The following AGO2 variants were observed in gnomAD, a reference collection of about 807,000 sequenced individuals.
The protein encoded by AGO2 is argonaute RISC catalytic component 2, also known as protein argonaute-2.
Under a neutral mutation model 102.3 loss-of-function variants are expected in AGO2, and 5 were observed. That is an observed-to-expected ratio of 0.05 (90% CI 0.03 to 0.10). AGO2 has a LOEUF of 0.10. AGO2 is among the 10% of genes least tolerant of loss of function. AGO2 has a pLI of 1.00. For synonymous variants in AGO2, 449 were observed against 473.1 expected, an observed-to-expected ratio of 0.95 and a Z score of 0.66; for missense variants, 541 against 1,183.7, an observed-to-expected ratio of 0.46 and a Z score of 7.97.
intron 1 of AGO2, among the ~76,000 whole-genome samples, chr8:140,633,486 AAGC>A (rs2074365996): frequency 6.6e-6 from 1 of 152,176 alleles, no homozygotes; most frequent in Non-Finnish European, 1.5e-5. Flanking sequence ...AATCTCCAAA[AAGC>A]AGCGAGTGAC....
intron 1 of AGO2, among the ~76,000 whole-genome samples, chr8:140,612,688 G>T (rs1281167120): frequency 6.6e-6 from 1 of 151,502 alleles, no homozygotes; most frequent in East Asian, 2.0e-4. Flanking sequence ...GGAGGCGGAG[G>T]TTGCAGTGAG....
chr8:140,627,065 C>T (rs1254060535), intron 1 of AGO2, among the ~76,000 whole-genome samples: 1 of 152,220 alleles, frequency 6.6e-6, no homozygotes, highest in African/African-American at 2.4e-5. Flanking sequence ...GGGACTCAGA[C>T]ACCCACCCCA....
rs2073711183 is a variant in AGO2 at position 140,589,250 on chromosome 8, C to CCGCAGA, written c.23-3945_23-3940dup. Among the ~76,000 whole-genome samples the CCGCAGA allele has an allele frequency of 1.3e-5, 2 of 152,174 alleles. No individual in the cohort carries two copies. The highest frequency in any genetic ancestry group is 6.5e-5 in the Admixed American group (1 of 15,280). On this transcript the variant is annotated intron_variant, in intron 1 of 18. Transcript: ENST00000220592. The surrounding 1 kb of genome is among the most constrained non-coding windows in gnomAD (Gnocchi z 4.2). ...TAAAGTGCAGGCCTGCCAGGATTCCCCGCAGACGTGTACCCTGAGGCGGGG... is the reference window on the plus strand; with the variant it reads ...TAAAGTGCAGGCCTGCCAGGATTCCCCGCAGACGCAGACGTGTACCCTGAGGCGGGG...
At chr8:140,577,827 G>A (rs555158531) in intron 2 of AGO2, among the ~76,000 whole-genome samples, 4 of 152,312 alleles carry the variant, frequency 2.6e-5, no homozygotes, top group South Asian at 2.1e-4. Flanking sequence ...TCACTGTTCC[G>A]AGCCCCATCC....
intron 2 of AGO2, among the ~76,000 whole-genome samples, chr8:140,577,329 C>T (rs772946992): frequency 1.3e-5 from 2 of 151,734 alleles, no homozygotes; most frequent in Non-Finnish European, 2.9e-5. Context: ...AAACAATCTA[C>T]ACTGACAGAA....
intron 4 of AGO2, among the ~76,000 whole-genome samples, chr8:140,562,174 T>C (rs796163315): frequency 6.6e-5 from 10 of 152,304 alleles, no homozygotes; most frequent in African/African-American, 2.4e-4. Context: ...AGAAAAGTGC[T>C]GGGTGCAGAG....
At position 140,618,164 on chromosome 8, in the gene AGO2, TA is replaced by T. The variant is rs551538635; in HGVS notation, c.22+17320del. Among the ~76,000 whole-genome samples, 620 of 151,666 alleles carry T rather than the reference TA, an allele frequency of 4.1e-3. 9 individuals carry two copies. The highest frequency in any genetic ancestry group is 0.014 in the African/African-American group (579 of 41,300). On this transcript the variant is annotated intron_variant, in intron 1 of 18. Transcript: ENST00000220592. ...GGTGAAACCCCGTCTCTACTAAAAATAAAAAATTAGCCTGGCACAGTGGTGG... is the reference window on the plus strand; with the variant it reads ...GGTGAAACCCCGTCTCTACTAAAAATAAAAATTAGCCTGGCACAGTGGTGG...
intron 2 of AGO2, among the ~76,000 whole-genome samples, chr8:140,578,174 C>T (rs1016835969): frequency 6.6e-6 from 1 of 152,206 alleles, no homozygotes; most frequent in African/African-American, 2.4e-5. Context: ...AACTGGACCT[C>T]GTGGCTGTGG....
intron 1 of AGO2, among the ~76,000 whole-genome samples, chr8:140,631,566 G>A (rs1025476006): frequency 2.0e-5 from 3 of 151,870 alleles, no homozygotes; most frequent in East Asian, 3.9e-4. Context: ...AAAAGAAGAC[G>A]TAAATATAAC....
At chr8:140,562,406 G>T (rs1375649817) in intron 4 of AGO2, 47 bp downstream of exon 4, 1 of 1,572,554 alleles carries the variant, frequency 6.4e-7, no homozygotes, top group African/African-American at 1.3e-5. Flanking sequence ...GGGGCCCTCG[G>T]AGCTGCAGGG....
chr8:140,535,457 C>A lies in AGO2; in HGVS notation c.2271+11G>T. ...GCCAAGACTCTGTCCGAAGGGGACT[C>A]CCGGCCTTACCTGGATGCCAGCGTG... On this transcript the variant is annotated intron_variant, in intron 17 of 18. Coordinates refer to ENST00000220592, the MANE Select transcript of AGO2 (RefSeq NM_012154.5). The A allele has an allele frequency of 6.2e-7, 1 of 1,613,968 alleles. No homozygotes were observed. Among genetic ancestry groups the A allele is most frequent in the Non-Finnish European group, 8.5e-7 (1 of 1,179,826 alleles).
chr8:140,638,923 G>A (rs1025319335), upstream of AGO2, among the ~76,000 whole-genome samples: 2 of 151,976 alleles, frequency 1.3e-5, no homozygotes, highest in Non-Finnish European at 2.9e-5. Flanking sequence ...TCACTCTATT[G>A]CCCATGCTGG....
rs1003321399 is a variant in AGO2, at chr8:140,539,152, C to T, written c.2169+168G>A. 1.3e-5 allele frequency among the ~76,000 whole-genome samples: 2 copies of T among 152,182 alleles called. No homozygotes were observed. The highest frequency in any genetic ancestry group is 3.9e-4 in the East Asian group (2 of 5,192). On this transcript the variant is annotated intron_variant, in intron 16 of 18. Coordinates refer to ENST00000220592, the MANE Select transcript of AGO2 (RefSeq NM_012154.5). The surrounding 1 kb of genome is among the most constrained non-coding windows in gnomAD (Gnocchi z 4.7). ...AAAGCTTCACCAAATCAAGGACAGCCTTCTCTAGTGTCTAAACCTGGGTCC... is the reference window on the plus strand; with the variant it reads ...AAAGCTTCACCAAATCAAGGACAGCTTTCTCTAGTGTCTAAACCTGGGTCC...
At chr8:140,532,379 AC>A in intron 18 of AGO2, 36 bp downstream of exon 18, 1 of 1,584,358 alleles carries the variant, frequency 6.3e-7, no homozygotes, top group Middle Eastern at 2.1e-4. Context: ...GGCAAAAACC[AC>A]CCCTGCTGTG....
At chr8:140,544,947 G>A (rs1383323928) in intron 13 of AGO2, among the ~76,000 whole-genome samples, 2 of 152,202 alleles carry the variant, frequency 1.3e-5, no homozygotes, top group African/African-American at 4.8e-5. Context: ...GAAAGGCGGA[G>A]GTGGTGACAG....
chr8:140,563,238 C>T (rs146876987), intron 3 of AGO2, among the ~76,000 whole-genome samples: 154 of 152,276 alleles, frequency 1.0e-3, no homozygotes, highest in African/African-American at 3.3e-3. Context: ...AAAATTCATT[C>T]GCCACTTTTG....
chr8:140,545,876 G>C (rs1275695969), intron 13 of AGO2, among the ~76,000 whole-genome samples: 1 of 152,124 alleles, frequency 6.6e-6, no homozygotes, highest in Admixed American at 6.5e-5. Flanking sequence ...GACGGCCCCA[G>C]CTCACCCCAG....
intron 14 of AGO2, 130 bp from the exon 15 acceptor site, chr8:140,541,488 C>T: frequency 1.2e-6 from 1 of 858,742 alleles, no homozygotes. Context: ...TGTCAAGTGA[C>T]AATGGCTGGC....
At chr8:140,611,139 C>G (rs1010527414) in intron 1 of AGO2, among the ~76,000 whole-genome samples, 2 of 152,188 alleles carry the variant, frequency 1.3e-5, no homozygotes, top group Non-Finnish European at 2.9e-5. Context: ...CTGACATTTG[C>G]TCCGGTGGCT....
Sources: allele counts gnomAD v4.1 joint callset (sites outside exome capture counted in the v4.1 genomes callset), GRCh38; gene constraint gnomAD v4.1.1; non-coding constraint Gnocchi (gnomAD v3.1); transcripts MANE v1.5; gene names NCBI Gene and HGNC (gene_info 2026-07-23, HGNC 2026-07-21).